USP21: variants seen among roughly 807,000 people sequenced by gnomAD.
The protein encoded by USP21 is ubiquitin carboxyl-terminal hydrolase 21.
Under a neutral mutation model 70.8 loss-of-function variants are expected in USP21, and 37 were observed. That is an observed-to-expected ratio of 0.52 (90% CI 0.40 to 0.69). The LOEUF is 0.69. USP21 is among the 30% of genes least tolerant of loss of function. USP21 has a pLI of 0.00. For synonymous variants in USP21, 263 were observed against 283.1 expected, an observed-to-expected ratio of 0.93 and a Z score of 0.71; for missense variants, 584 against 740.8, an observed-to-expected ratio of 0.79 and a Z score of 2.46.
Position 161,160,480 on chromosome 1 carries a change from G to C in USP21, c.-48G>C. 1.1e-6 allele frequency: 1 copy of C among 912,958 alleles called. No individual in the cohort carries two copies. Among genetic ancestry groups the C allele is most frequent in the Non-Finnish European group, 1.7e-6 (1 of 579,940 alleles). The allele number at this position is 912,958 out of a possible 1,614,324, so 56.6% of individuals were successfully genotyped here. ...GATGACTGAGCCAACCACCTAATGT[G>C]GAAATGAGAGGACAGCAAGATTGTG... On this transcript the variant is annotated 5_prime_UTR_variant, in exon 2 of 14. Coordinates refer to ENST00000368002, the MANE Select transcript of USP21 (RefSeq NM_001014443.3).
At position 161,163,008 on chromosome 1, in the gene USP21, T is replaced by G. The variant is rs771367592; in HGVS notation, c.983T>G (p.Leu328Arg). The G allele has an allele frequency of 1.9e-6, 3 of 1,613,976 alleles. No individual in the cohort carries two copies. The Admixed American group carries it at 5.0e-5, about 27-fold the overall frequency. ...CGAGGCCGCCGGGCTCCACCGATACTTGCCAATGGTCCAGTTCCCTCTCCA... is the reference window on the plus strand; with the variant it reads ...CGAGGCCGCCGGGCTCCACCGATACGTGCCAATGGTCCAGTTCCCTCTCCA... The part of the protein sequence containing the change: ...NRRGRRAPPI[L>R]ANGPVPSPPR... The change falls in exon 7 of 14, where the codon CTT (leucine) becomes CGT (arginine). Residue 328 changes from leucine to arginine, a missense_variant. Leu to Arg is a moderately radical substitution (Grantham distance 102, BLOSUM62 -2). Coordinates refer to ENST00000368002, the MANE Select transcript of USP21 (RefSeq NM_001014443.3).
At position 161,164,693 on chromosome 1, in the gene USP21, T is replaced by G; in HGVS notation, c.1384+81T>G. ...TCCTCCATGTTTCCAGAGAATTGAA[T>G]TTTCCTTAGGAAAAGTCTGCCACCC... On this transcript the variant is annotated intron_variant, in intron 11 of 13. Coordinates refer to ENST00000368002, the MANE Select transcript of USP21 (RefSeq NM_001014443.3). This position sits in a 1 kb window ranked among gnomAD's most constrained non-coding sequence, Gnocchi z 4.2. 1 of 1,606,526 alleles carries G rather than the reference T, an allele frequency of 6.2e-7. No individual in the cohort carries two copies. Among genetic ancestry groups the G allele is most frequent in the African/African-American group, 1.3e-5 (1 of 74,712 alleles).
intron 13 of USP21, 29 bp downstream of exon 13, chr1:161,165,172 C>T (rs775452948): frequency 6.3e-7 from 1 of 1,592,158 alleles, no homozygotes; most frequent in Non-Finnish European, 8.6e-7. Flanking sequence ...TTACATCCTG[C>T]CCCATTCCCA....
At position 161,161,166 on chromosome 1, in the gene USP21, C is replaced by G. The variant is rs1019119107; in HGVS notation, c.526C>G (p.Pro176Ala). The change falls in exon 3 of 14, where the codon CCC (proline) becomes GCC (alanine). Residue 176 changes from proline (P) to alanine (A), a missense_variant. By Grantham distance (27) the Pro-to-Ala change is conservative. Around this residue, in one of 4 missense-constraint regions of USP21, gnomAD observed 284 missense variants for 281.0 expected, o/e 1.01. Transcript: ENST00000368002. This position sits in a 1 kb window ranked among gnomAD's most constrained non-coding sequence, Gnocchi z 4.2. ...TACCCTGTTCAGCATACGGACAGAG[C>G]CCCCTGCTTCCCATGGCTCCTTCCA... ...PPTLFSIRTE[P>A]PASHGSFHMI... is the part of the protein sequence containing the mutation. The G allele has an allele frequency of 6.2e-7, 1 of 1,613,644 alleles. No homozygotes were observed. The highest frequency in any genetic ancestry group is 1.3e-5 in the African/African-American group (1 of 74,938).
Position 161,162,433 on chromosome 1 carries a change from C to G in USP21, c.781+43C>G, listed in dbSNP as rs1242975601. On this transcript the variant is annotated intron_variant, in intron 5 of 13. Coordinates refer to ENST00000368002, the MANE Select transcript of USP21 (RefSeq NM_001014443.3). This position sits in a 1 kb window ranked among gnomAD's most constrained non-coding sequence, Gnocchi z 4.1. ...GCTCCCTCTGTTCAAGTCCCTTTTT[C>G]CCCAACCACTTGCAGGTCCATCTGC... 1 of 1,568,214 alleles carries G rather than the reference C, an allele frequency of 6.4e-7. No individual in the cohort carries two copies. Among genetic ancestry groups the G allele is most frequent in the Non-Finnish European group, 8.7e-7 (1 of 1,155,814 alleles).
At chr1:161,165,236 G>A (rs1454802178) in intron 13 of USP21, 93 bp downstream of exon 13, 2 of 1,440,658 alleles carry the variant, frequency 1.4e-6, no homozygotes, top group Non-Finnish European at 1.9e-6. Context: ...AGAGTGCCAG[G>A]TGAAAGGAGA....
rs1179877735 is a variant in USP21 at position 161,164,871 on chromosome 1, A to G, written c.1421A>G (p.Lys474Arg). The G allele has an allele frequency of 1.2e-6, 2 of 1,614,080 alleles. No individual in the cohort carries two copies. The highest frequency in any genetic ancestry group is 1.7e-5 in the Admixed American group (1 of 60,012). ...TTTTCTGCCTCCCGAGGCTCCATCA[A>G]AAAAAGTTCAGTAGGTGTAGACTTT... is the stretch of plus-strand genomic sequence containing the variant. ...NRFSASRGSI[K>R]KSSVGVDFPL... is the part of the protein sequence containing the mutation. The change falls in exon 12 of 14, where the codon AAA becomes AGA. Residue 474 changes from lysine (K) to arginine (R), a missense_variant. Lys to Arg is a conservative substitution (Grantham distance 26). Coordinates refer to ENST00000368002, the MANE Select transcript of USP21 (RefSeq NM_001014443.3). The surrounding 1 kb of genome is among the most constrained non-coding windows in gnomAD (Gnocchi z 4.2).
rs753029463 is a variant in USP21, at chr1:161,160,854, C to T, written c.214C>T (p.Arg72Trp). The change falls in exon 3 of 14, where the codon CGG becomes TGG. Residue 72 changes from arginine (R) to tryptophan (W), a missense_variant. Transcript: ENST00000368002. ...RLKKLELGRG[R>W]TSGPRPRGPL... ...CAAGAAACTGGAGCTGGGACGGGGA[C>T]GGACCTCAGGCCCTCGTCCCAGAGG... 4.0e-5 allele frequency: 64 copies of T among 1,614,242 alleles called. No individual in the cohort carries two copies. In the South Asian group the frequency reaches 4.3e-4, roughly 11 times the overall value.
Position 161,165,340 on chromosome 1 carries a change from A to G in USP21, c.1608-17A>G. On this transcript the variant is annotated splice_polypyrimidine_tract_variant and intron_variant, in intron 13 of 13. Transcript: ENST00000368002. ...CAGGAATGACCACAACCCTTTCCCG[A>G]TCTCCTTTTTTCCTAGTGTCTCCCC... The G allele has an allele frequency of 6.2e-7, 1 of 1,610,794 alleles. No individual in the cohort carries two copies.
intron 8 of USP21, 100 bp downstream of exon 8, chr1:161,163,719 T>G: frequency 1.4e-6 from 2 of 1,407,404 alleles, no homozygotes; most frequent in Non-Finnish European, 2.0e-6. Context: ...GGAACAAGAC[T>G]GGATGATGCA....
chr1:161,162,028 G>A lies in USP21; in HGVS notation c.601-10G>A, dbSNP rs775463254. Reference sequence around the variant, plus strand: ...TATAGGAACTTGCCGATTGTACTCTGACCTTCCAGGCTCATCACACACTCC... The same window carrying A: ...TATAGGAACTTGCCGATTGTACTCTAACCTTCCAGGCTCATCACACACTCC... On this transcript the variant is annotated splice_polypyrimidine_tract_variant and intron_variant, in intron 3 of 13. Coordinates refer to ENST00000368002, the MANE Select transcript of USP21 (RefSeq NM_001014443.3). This position sits in a 1 kb window ranked among gnomAD's most constrained non-coding sequence, Gnocchi z 4.1. 1.2e-6 allele frequency: 2 copies of A among 1,614,142 alleles called. No individual in the cohort carries two copies. The highest frequency in any genetic ancestry group is 1.1e-5 in the South Asian group (1 of 91,074).
rs2101819478 is a variant in USP21 at position 161,164,660 on chromosome 1, A to G, written c.1384+48A>G. The G allele has an allele frequency of 6.2e-7, 1 of 1,611,648 alleles. No individual in the cohort carries two copies. Among genetic ancestry groups the G allele is most frequent in the Non-Finnish European group, 8.5e-7 (1 of 1,178,608 alleles). On this transcript the variant is annotated intron_variant, in intron 11 of 13. Coordinates refer to ENST00000368002, the MANE Select transcript of USP21 (RefSeq NM_001014443.3). The surrounding 1 kb of genome is among the most constrained non-coding windows in gnomAD (Gnocchi z 4.2). ...ACTTCTCTTAGGATACCTCCCATACATTCTCTTTCCTCCATGTTTCCAGAG... is the reference window on the plus strand; with the variant it reads ...ACTTCTCTTAGGATACCTCCCATACGTTCTCTTTCCTCCATGTTTCCAGAG...
In USP21 at chr1:161,162,383, C is replaced by G. The variant is rs768269159; in HGVS notation, c.774C>G (p.Leu258=). Residue 258 remains leucine, a synonymous_variant, in exon 5 of 14, where the codon CTC becomes CTG. Transcript: ENST00000368002. This position sits in a 1 kb window ranked among gnomAD's most constrained non-coding sequence, Gnocchi z 4.1. ...EVPGGGRAQE[L]TEAFADVIGA... is the part of the protein sequence containing the mutation. ...CTGGAGGAGGCCGAGCCCAAGAGCT[C>G]ACTGAAGGTGGGGCAACAACTCCTG... 4 of 1,606,602 alleles carry G rather than the reference C, an allele frequency of 2.5e-6. No individual in the cohort carries two copies. In the South Asian group the frequency reaches 4.5e-5, roughly 18 times the overall value.
chr1:161,163,303 G>A (rs1209982134), intron 7 of USP21, among the ~76,000 whole-genome samples: 4 of 152,060 alleles, frequency 2.6e-5, no homozygotes, highest in African/African-American at 7.3e-5. Context: ...TTGAAGAAGG[G>A]GATAATTCAT....
In USP21 at chr1:161,164,072, G is replaced by T; in HGVS notation, c.1218+91G>T. 1 of 1,585,700 alleles carries T rather than the reference G, an allele frequency of 6.3e-7. No homozygotes were observed. The highest frequency in any genetic ancestry group is 2.2e-5 in the East Asian group (1 of 44,716). On this transcript the variant is annotated intron_variant, in intron 9 of 13. Transcript: ENST00000368002. The surrounding 1 kb of genome is among the most constrained non-coding windows in gnomAD (Gnocchi z 4.2). ...CAGAGTGTGGGCGGGAACCCTGTGGGTTTCTGGAGCAGAACTGAAGCCTGG... is the reference window on the plus strand; with the variant it reads ...CAGAGTGTGGGCGGGAACCCTGTGGTTTTCTGGAGCAGAACTGAAGCCTGG...
chr1:161,162,255 C>A lies in USP21; in HGVS notation c.661-15C>A, dbSNP rs768663006. 1.9e-6 allele frequency: 3 copies of A among 1,606,464 alleles called. No individual in the cohort carries two copies. The East Asian group carries it at 6.7e-5, about 36-fold the overall frequency. The stretch of plus-strand genomic sequence containing the variant: ...GGTCTGGAGAGATAACAGCAGTGTC[C>A]CTACTGCTCCCCAGTGCTTCCTGAA... On this transcript the variant is annotated splice_polypyrimidine_tract_variant and intron_variant, in intron 4 of 13. Coordinates refer to ENST00000368002, the MANE Select transcript of USP21 (RefSeq NM_001014443.3). This position sits in a 1 kb window ranked among gnomAD's most constrained non-coding sequence, Gnocchi z 4.1.
rs1325786979 is a variant in USP21, at chr1:161,159,615, G to C, written c.-226G>C. ...ACGGGGGGGCTGCACGGGGGTAGTA[G>C]GGGGTGGCCCTGAACTGGGGCCTGG... is the stretch of plus-strand genomic sequence containing the variant. On this transcript the variant is annotated 5_prime_UTR_variant, in exon 1 of 14. Coordinates refer to ENST00000368002, the MANE Select transcript of USP21 (RefSeq NM_001014443.3). 1.3e-5 allele frequency: 2 copies of C among 152,430 alleles called. No individual in the cohort carries two copies. The highest frequency in any genetic ancestry group is 6.5e-5 in the Admixed American group (1 of 15,284). 9.4% of individuals were successfully genotyped at this position (152,430 alleles called of 1,614,324 possible).
In USP21 at chr1:161,163,499, T is replaced by C. The variant is rs1571287012; in HGVS notation, c.1050-56T>C. 9 of 1,529,070 alleles carry C rather than the reference T, an allele frequency of 5.9e-6. No homozygotes were observed. In the South Asian group the frequency reaches 1.0e-4, roughly 17 times the overall value. 94.7% of individuals were successfully genotyped at this position (1,529,070 alleles called of 1,614,324 possible). On this transcript the variant is annotated intron_variant, in intron 7 of 13. Coordinates refer to ENST00000368002, the MANE Select transcript of USP21 (RefSeq NM_001014443.3). ...AGGTTGTTTCAGTGGGTGTTGGGGG[T>C]GCCCAGTGTTCCTGCTGTCTCATGG...
chr1:161,162,206 C>T lies in USP21; in HGVS notation c.661-64C>T. 6.2e-7 allele frequency: 1 copy of T among 1,612,742 alleles called. No individual in the cohort carries two copies. Among genetic ancestry groups the T allele is most frequent in the Non-Finnish European group, 8.5e-7 (1 of 1,179,114 alleles). On this transcript the variant is annotated intron_variant, in intron 4 of 13. Transcript: ENST00000368002. The surrounding 1 kb of genome is among the most constrained non-coding windows in gnomAD (Gnocchi z 4.1). ...GGCATGTGGAAGGAGAGCTCTGAAGCTCTTCTAAGGCTTCCTGGGCAGTGG... is the reference window on the plus strand; with the variant it reads ...GGCATGTGGAAGGAGAGCTCTGAAGTTCTTCTAAGGCTTCCTGGGCAGTGG...
Sources: allele counts gnomAD v4.1 joint callset (sites outside exome capture counted in the v4.1 genomes callset), GRCh38; gene constraint gnomAD v4.1.1; regional missense constraint gnomAD v4.1.1; non-coding constraint Gnocchi (gnomAD v3.1); transcripts MANE v1.5; gene names NCBI Gene and HGNC (gene_info 2026-07-23, HGNC 2026-07-21).